The following DNAH14 variants were observed in gnomAD, a reference collection of about 807,000 sequenced individuals.
DNAH14 encodes axonemal beta dynein heavy chain 14.
A neutral mutation model predicts 520.9 loss-of-function variants in DNAH14; 478 were observed. That is an observed-to-expected ratio of 0.92 (90% CI 0.85 to 0.99). The LOEUF (loss-of-function observed/expected upper bound fraction) is 0.99. DNAH14 is among the 50% of genes least tolerant of loss of function. DNAH14 has a pLI of 0.00. For synonymous variants in DNAH14, 1,581 were observed against 1,757.2 expected, an observed-to-expected ratio of 0.90 and a Z score of 2.51; for missense variants, 4,831 against 5,234.5, an observed-to-expected ratio of 0.92 and a Z score of 2.38.
chr1:225,217,270 A>G (rs749442384), intron 41 of DNAH14, among the ~76,000 whole-genome samples: 35 of 152,162 alleles, frequency 2.3e-4, no homozygotes, highest in Non-Finnish European at 4.3e-4. Flanking sequence ...TGGCAGCTTC[A>G]TCTCAGAGGT....
At chr1:225,151,680 G>A (rs898614833) in intron 31 of DNAH14, among the ~76,000 whole-genome samples, 6 of 152,118 alleles carry the variant, frequency 3.9e-5, no homozygotes, top group Non-Finnish European at 8.8e-5. Context: ...TATCTTCCAG[G>A]CAGAGCTCTT....
intron 41 of DNAH14, among the ~76,000 whole-genome samples, chr1:225,216,730 T>C (rs2089398579): frequency 6.6e-6 from 1 of 152,200 alleles, no homozygotes. Context: ...TCTTGTGCCA[T>C]GGTTTTCAGC....
In DNAH14 at chr1:225,240,578, A is replaced by T; in HGVS notation, c.6519-15A>T. 6.9e-7 allele frequency: 1 copy of T among 1,449,452 alleles called. No individual in the cohort carries two copies. 89.8% of individuals were successfully genotyped at this position (1,449,452 alleles called of 1,614,324 possible). A position where few individuals can be genotyped will look rare whatever the true frequency, so the allele number is the denominator to read the frequency against. On this transcript the variant is annotated splice_polypyrimidine_tract_variant and intron_variant, in intron 42 of 85. Transcript: ENST00000682510. The stretch of plus-strand genomic sequence containing the variant: ...AAAATGTTAACCTTCATCCTTCCAT[A>T]CCTGTCTACCCCAGGGATGAAAATA...
intron 17 of DNAH14, among the ~76,000 whole-genome samples, chr1:225,063,126 T>TA (rs71170054): frequency 0.8 from 121,092 of 151,940 alleles, 51,635 homozygotes; most frequent in Non-Finnish European, 0.96. Context: ...GAAAGATATT[T>TA]AAAAAAAGCA....
intron 73 of DNAH14, among the ~76,000 whole-genome samples, chr1:225,355,780 G>A (rs2095422975): frequency 6.6e-6 from 1 of 151,922 alleles, no homozygotes; most frequent in Admixed American, 6.6e-5. Context: ...AACCCTTTAA[G>A]CATGCAGTTC....
intron 1 of DNAH14, among the ~76,000 whole-genome samples, chr1:224,945,650 A>C (rs1162283066): frequency 1.3e-5 from 2 of 152,244 alleles, no homozygotes; most frequent in African/African-American, 4.8e-5. Flanking sequence ...GATGATGGTG[A>C]CGTACAGATG....
chr1:224,945,368 A>G (rs1007807849), intron 1 of DNAH14, among the ~76,000 whole-genome samples: 1 of 151,948 alleles, frequency 6.6e-6, no homozygotes, highest in Non-Finnish European at 1.5e-5. Context: ...ACTTCTCTGC[A>G]TTGGTTATTC....
chr1:225,393,099 G>A (rs2095942684), intron 84 of DNAH14, among the ~76,000 whole-genome samples: 1 of 152,200 alleles, frequency 6.6e-6, no homozygotes. Context: ...GGGAGACAGG[G>A]TTGGGAGACA....
At position 225,140,793 on chromosome 1, in the gene DNAH14, G is replaced by A. The variant is rs932382863; in HGVS notation, c.4280G>A (p.Cys1427Tyr). ...AGCCAGATCATGTTTTATAATGATTGTGTTAAAAGTTTTGTGAGTTCTTAT... is the reference window on the plus strand; with the variant it reads ...AGCCAGATCATGTTTTATAATGATTATGTTAAAAGTTTTGTGAGTTCTTAT... ...TVSQIMFYND[C>Y]VKSFVSSYSR... Residue 1427 changes from cysteine (C) to tyrosine (Y), a missense_variant, in exon 28 of 86, where the codon TGT (cysteine) becomes TAT (tyrosine). Coordinates refer to ENST00000682510, the MANE Select transcript of DNAH14 (RefSeq NM_001367479.1). The A allele has an allele frequency of 2.6e-6, 4 of 1,544,836 alleles. No individual in the cohort carries two copies. The highest frequency in any genetic ancestry group is 1.4e-5 in the African/African-American group (1 of 72,846).
intron 7 of DNAH14, among the ~76,000 whole-genome samples, chr1:224,972,353 G>A (rs1406112356): frequency 6.6e-6 from 1 of 151,830 alleles, no homozygotes; most frequent in Non-Finnish European, 1.5e-5. Flanking sequence ...ACCCAGGCTG[G>A]GGTGCAGTGG....
intron 69 of DNAH14, among the ~76,000 whole-genome samples, chr1:225,344,759 C>T (rs558971474): frequency 6.6e-6 from 1 of 151,790 alleles, no homozygotes; most frequent in African/African-American, 2.4e-5. Flanking sequence ...TCCATTGCCA[C>T]ACTAGAGTGC....
In DNAH14 at chr1:225,231,116, AAG is replaced by A. The variant is rs1293927517; in HGVS notation, c.6488_6489del (p.Glu2163ValfsTer12). 1 of 1,547,802 alleles carries A rather than the reference AAG, an allele frequency of 6.5e-7. No homozygotes were observed. The highest frequency in any genetic ancestry group is 1.4e-5 in the African/African-American group (1 of 72,894). ...CGTCATCTAAGGAGGCAAATTCCCA[AAG>A]AGAGTCTGTCACATTCAAGGATATA... ...DTSSKEANSQ[R>X]ESVTFKDIEK... On this transcript the variant is annotated frameshift_variant, in exon 42 of 86. Transcript: ENST00000682510. LOFTEE classifies it high-confidence loss of function.
intron 60 of DNAH14, among the ~76,000 whole-genome samples, chr1:225,312,768 A>G (rs1482599758): frequency 6.6e-6 from 1 of 152,206 alleles, no homozygotes. Context: ...CATATGTTCA[A>G]CCAACCTTGC....
chr1:224,966,827 A>G lies in DNAH14; in HGVS notation c.499-604A>G, dbSNP rs555172443. On this transcript the variant is annotated intron_variant, in intron 5 of 85. Coordinates refer to ENST00000682510, the MANE Select transcript of DNAH14 (RefSeq NM_001367479.1). ...GCTTCCTGAGTAGTTGAGATTACAG[A>G]TGTGAACCACCTCACTCAGCTCCAT... Among the ~76,000 whole-genome samples the G allele has an allele frequency of 5.9e-5, 9 of 152,274 alleles. No individual in the cohort carries two copies. In the East Asian group the frequency reaches 1.7e-3, roughly 29 times the overall value.
intron 36 of DNAH14, among the ~76,000 whole-genome samples, chr1:225,177,495 T>C (rs892657911): frequency 2.6e-5 from 4 of 152,174 alleles, no homozygotes; most frequent in African/African-American, 9.7e-5. Context: ...CTCCAGGGCA[T>C]GTCAGAGGTC....
intron 71 of DNAH14, among the ~76,000 whole-genome samples, chr1:225,348,921 T>C (rs145411940): frequency 1.5e-3 from 231 of 152,342 alleles, no homozygotes; most frequent in African/African-American, 5.5e-3. Context: ...TATAAAAATG[T>C]AACTTGTGAC....
intron 79 of DNAH14, 150 bp downstream of exon 79, chr1:225,377,586 C>G (rs1049129977): frequency 1.4e-6 from 1 of 718,606 alleles, no homozygotes; most frequent in East Asian, 2.9e-5. Context: ...ATGGTGAAAC[C>G]CTGTCTCTAC....
rs761527556 is a variant in DNAH14 at position 225,270,828 on chromosome 1, C to T, written c.7633C>T (p.Pro2545Ser). The change falls in exon 50 of 86, where the codon CCT becomes TCT. Residue 2545 changes from proline (P) to serine (S), a missense_variant. By Grantham distance (74) the Pro-to-Ser change is moderately conservative. Transcript: ENST00000682510. ...CAAACACTTTTCCATGCTGGTATTA[C>T]CTCATCCTTCACAAGACATCTTATG... ...LLKHFSMLVL[P>S]HPSQDILCTI... 1.3e-5 allele frequency: 20 copies of T among 1,551,154 alleles called. No individual in the cohort carries two copies. The highest frequency in any genetic ancestry group is 1.7e-5 in the Non-Finnish European group (19 of 1,146,814).
intron 58 of DNAH14, among the ~76,000 whole-genome samples, chr1:225,305,636 G>A (rs1174011954): frequency 6.6e-6 from 1 of 152,128 alleles, no homozygotes; most frequent in Non-Finnish European, 1.5e-5. Flanking sequence ...CTACTCACAA[G>A]TGCCCCACAT....
Sources: allele counts gnomAD v4.1 joint callset (sites outside exome capture counted in the v4.1 genomes callset), GRCh38; gene constraint gnomAD v4.1.1; transcripts MANE v1.5; gene names NCBI Gene and HGNC (gene_info 2026-07-23, HGNC 2026-07-21).